The following NTRK2 variants were observed in gnomAD, a reference collection of about 807,000 sequenced individuals.
NTRK2 encodes the protein BDNF/NT-3 growth factors receptor.
NTRK2 carries 13 observed loss-of-function variants against 94.5 expected under a neutral mutation model. That is an observed-to-expected ratio of 0.14 (90% CI 0.09 to 0.22). The LOEUF is 0.22. NTRK2 is among the 10% of genes least tolerant of loss of function. The pLI is 1.00. For missense variants in NTRK2, 639 were observed against 1,071.2 expected (o/e 0.60, Z 5.63); for synonymous variants, 372 against 407.4 (o/e 0.91, Z 1.05).
At chr9:84,824,693 G>A (rs2131606792) in intron 12 of NTRK2, among the ~76,000 whole-genome samples, 1 of 152,338 alleles carries the variant, frequency 6.6e-6, no homozygotes, top group Admixed American at 6.5e-5. Flanking sequence ...TGGGTGCTCT[G>A]TGTCCTGGTG....
intron 14 of NTRK2, chr9:84,873,653 A>T (rs2075957032): frequency 1.9e-6 from 2 of 1,055,140 alleles, no homozygotes; most frequent in African/African-American, 3.3e-5. Flanking sequence ...ATTACATTTA[A>T]AATGTAAGCC....
intron 12 of NTRK2, among the ~76,000 whole-genome samples, chr9:84,824,451 G>A (rs1168710939): frequency 1.3e-5 from 2 of 152,214 alleles, no homozygotes; most frequent in Non-Finnish European, 2.9e-5. Context: ...TGGCAAATTG[G>A]TATGTTGGCC....
intron 12 of NTRK2, among the ~76,000 whole-genome samples, chr9:84,774,157 A>G (rs2066813836): frequency 6.6e-6 from 1 of 152,168 alleles, no homozygotes; most frequent in Non-Finnish European, 1.5e-5. Context: ...GATGGCAAAC[A>G]TACCCAGACT....
intron 12 of NTRK2, among the ~76,000 whole-genome samples, chr9:84,776,594 C>CTAA (rs2067068750): frequency 6.6e-6 from 1 of 152,210 alleles, no homozygotes; most frequent in Non-Finnish European, 1.5e-5. Context: ...AACAAGTTAG[C>CTAA]CTGCCATGAT....
chr9:84,773,440 G>T (rs968778795), intron 12 of NTRK2, among the ~76,000 whole-genome samples: 2 of 152,190 alleles, frequency 1.3e-5, no homozygotes, highest in African/African-American at 4.8e-5. Context: ...TTAAGGAAGT[G>T]CTCTCTCTAC....
rs200869205 is a variant in NTRK2 at position 84,670,543 on chromosome 9, C to G, written c.-206C>G. 3.3e-6 allele frequency: 2 copies of G among 606,700 alleles called. No homozygotes were observed. The highest frequency in any genetic ancestry group is 3.9e-5 in the South Asian group (2 of 51,716). 37.6% of individuals were successfully genotyped at this position (606,700 alleles called of 1,614,324 possible). A position where few individuals can be genotyped will look rare whatever the true frequency, so the allele number is the denominator to read the frequency against. On this transcript the variant is annotated 5_prime_UTR_variant, in exon 2 of 19. Transcript: ENST00000277120. Reference sequence around the variant, plus strand: ...CCCCCTGTAAAGCGGTTCGCTATGCCGGGGCCACTGTGAACCCTGCCGCCT... The same window carrying G: ...CCCCCTGTAAAGCGGTTCGCTATGCGGGGGCCACTGTGAACCCTGCCGCCT...
intron 14 of NTRK2, among the ~76,000 whole-genome samples, chr9:84,880,273 T>G (rs2076215255): frequency 6.6e-6 from 1 of 152,142 alleles, no homozygotes; most frequent in Non-Finnish European, 1.5e-5. Flanking sequence ...GGTGCATATA[T>G]TTGCTGAGTT....
chr9:84,728,040 C>A, intron 9 of NTRK2, 81 bp downstream of exon 9: 1 of 1,322,336 alleles, frequency 7.6e-7, no homozygotes, highest in Non-Finnish European at 1.1e-6. Flanking sequence ...ATACAATAAG[C>A]CATCCCCCAA....
chr9:85,023,349 C>T lies in NTRK2; in HGVS notation c.*1912C>T, dbSNP rs199656871. On this transcript the variant is annotated 3_prime_UTR_variant, in exon 19 of 19. Coordinates refer to ENST00000277120, the MANE Select transcript of NTRK2 (RefSeq NM_006180.6). ...TATTTCATATTTGTTTCTGAAGGTG[C>T]GATAGCTCTGTTTTAGGTTTTGCTT... 2.1e-4 allele frequency: 48 copies of T among 232,074 alleles called. No homozygotes were observed. The highest frequency in any genetic ancestry group is 9.7e-4 in the African/African-American group (44 of 45,272). The allele number at this position is 232,074 out of a possible 1,614,324, so 14.4% of individuals were successfully genotyped here.
intron 15 of NTRK2, among the ~76,000 whole-genome samples, chr9:84,940,777 T>A (rs2078382085): frequency 6.6e-6 from 1 of 152,176 alleles, no homozygotes; most frequent in Non-Finnish European, 1.5e-5. Flanking sequence ...CAAGAGTTAG[T>A]TGACTCAAGT....
At chr9:84,811,908 C>CCCCG in intron 12 of NTRK2, 4 of 1,050,048 alleles carry the variant, frequency 3.8e-6, no homozygotes, top group Non-Finnish European at 4.6e-6. Context: ...TGGCTATCCC[C>CCCCG]ACCCCACCCC....
chr9:84,839,202 T>C (rs2074038931), intron 12 of NTRK2, among the ~76,000 whole-genome samples: 1 of 152,170 alleles, frequency 6.6e-6, no homozygotes, highest in Non-Finnish European at 1.5e-5. Context: ...CATCTGCTTG[T>C]CCAATAATTT....
intron 16 of NTRK2, among the ~76,000 whole-genome samples, chr9:84,950,419 C>A (rs1006039222): frequency 2.0e-5 from 3 of 152,074 alleles, no homozygotes; most frequent in African/African-American, 7.2e-5. Context: ...TTATCATGAA[C>A]CTAAAGAGTA....
chr9:85,021,586 A>T lies in NTRK2; in HGVS notation c.*149A>T, dbSNP rs1168272995. 1 of 775,332 alleles carries T rather than the reference A, an allele frequency of 1.3e-6. No homozygotes were observed. Among genetic ancestry groups the T allele is most frequent in the Admixed American group, 2.0e-5 (1 of 51,064 alleles). 48.0% of individuals were successfully genotyped at this position (775,332 alleles called of 1,614,324 possible). On this transcript the variant is annotated 3_prime_UTR_variant, in exon 19 of 19. Transcript: ENST00000277120. ...AAAGACTCCGAGAAGCTCTCGAGGG[A>T]AGCAGTGTGTACTTCTTCATCCATA... is the stretch of plus-strand genomic sequence containing the variant.
chr9:84,980,443 A>G (rs374022304), intron 17 of NTRK2, among the ~76,000 whole-genome samples: 37 of 152,302 alleles, frequency 2.4e-4, no homozygotes, highest in African/African-American at 8.4e-4. Flanking sequence ...GCAATATTAT[A>G]TTGTCATCCC....
At chr9:84,969,988 G>A (rs1287489379) in intron 17 of NTRK2, among the ~76,000 whole-genome samples, 1 of 152,198 alleles carries the variant, frequency 6.6e-6, no homozygotes, top group African/African-American at 2.4e-5. Context: ...AAACAGCATA[G>A]TCTCTGGAGC....
intron 13 of NTRK2, among the ~76,000 whole-genome samples, chr9:84,865,811 C>A (rs1309435834): frequency 6.6e-6 from 1 of 152,206 alleles, no homozygotes; most frequent in Admixed American, 6.5e-5. Context: ...TTCCATGGGA[C>A]CCTGCCTGTG....
At chr9:85,003,341 T>C (rs796828272) in intron 17 of NTRK2, among the ~76,000 whole-genome samples, 36 of 152,342 alleles carry the variant, frequency 2.4e-4, no homozygotes, top group African/African-American at 8.7e-4. Flanking sequence ...CTCAGCACTA[T>C]ACTGAGTACT....
At chr9:84,832,778 C>T (rs2073637818) in intron 12 of NTRK2, among the ~76,000 whole-genome samples, 2 of 152,108 alleles carry the variant, frequency 1.3e-5, no homozygotes, top group Admixed American at 6.5e-5. Context: ...TAGTCTTTTT[C>T]AATAAAAGTC....
Sources: gnomAD v4.1 joint callset for allele counts (sites outside exome capture counted in the v4.1 genomes callset) on GRCh38, gnomAD v4.1.1 for gene constraint, MANE v1.5 for transcripts, NCBI Gene and HGNC (gene_info 2026-07-23, HGNC 2026-07-21) for gene names.